Variants in RNF145 observed in about 807,000 individuals in gnomAD.
RNF145 encodes ring finger protein 145.
A neutral mutation model predicts 57.3 loss-of-function variants in RNF145; 12 were observed. That is an observed-to-expected ratio of 0.21 (90% confidence interval 0.13 to 0.34). The LOEUF is 0.34. Ranked by LOEUF, RNF145 falls within the 10% of genes least tolerant of loss-of-function variation. The probability of loss-of-function intolerance (pLI) is 1.00; values close to 1 mark genes in which losing one functional copy is unlikely to be tolerated. For missense variants in RNF145, 429 were observed against 799.0 expected, an observed-to-expected ratio of 0.54 and a Z score of 5.58; for synonymous variants, 262 against 288.3, an observed-to-expected ratio of 0.91 and a Z score of 0.92.
rs1262558266 is a variant in RNF145 at position 159,158,876 on chromosome 5, G to A, written c.1786C>T (p.His596Tyr). 8 of 1,613,944 alleles carry A rather than the reference G, an allele frequency of 5.0e-6. No homozygotes were observed. Among genetic ancestry groups the A allele is most frequent in the African/African-American group, 2.7e-5 (2 of 75,026 alleles). ...ATGACGTTTTGCTCAGCTCCAGCATGAGGCTGTAGAACTGGCTCAGTTCCT... is the reference window on the plus strand; with the variant it reads ...ATGACGTTTTGCTCAGCTCCAGCATAAGGCTGTAGAACTGGCTCAGTTCCT... Reference protein sequence around the residue: ...GLGTEPVLQPHAGAEQNVMFQ... With the variant: ...GLGTEPVLQPYAGAEQNVMFQ... The change falls in exon 11 of 11, where the codon CAT (histidine) becomes TAT (tyrosine). Residue 596 changes from histidine to tyrosine, a missense_variant. Physicochemically the swap from His to Tyr is moderately conservative, Grantham distance 83. Transcript: ENST00000424310.
At chr5:159,193,527 T>G (rs1315904846) in intron 3 of RNF145, among the ~76,000 whole-genome samples, 1 of 152,242 alleles carries the variant, frequency 6.6e-6, no homozygotes, top group Non-Finnish European at 1.5e-5. Context: ...GTGATTTTAG[T>G]TATTCTCATC....
intron 6 of RNF145, among the ~76,000 whole-genome samples, chr5:159,171,930 A>C (rs1784573252): frequency 6.6e-6 from 1 of 152,236 alleles, no homozygotes; most frequent in Non-Finnish European, 1.5e-5. Context: ...ATAGAAAAAG[A>C]AAAGAAAAAA....
At chr5:159,159,176 A>G (rs1352524602) in intron 10 of RNF145, 141 bp from the exon 11 acceptor site, 9 of 710,524 alleles carry the variant, frequency 1.3e-5, no homozygotes, top group African/African-American at 7.2e-5. Context: ...CTTACTTTAT[A>G]TATCAGTAAT....
intron 3 of RNF145, among the ~76,000 whole-genome samples, chr5:159,189,263 A>G (rs900628370): frequency 6.6e-6 from 1 of 152,256 alleles, no homozygotes; most frequent in Non-Finnish European, 1.5e-5. Context: ...CTTAGCAAGA[A>G]AAAGACAAAT....
intron 8 of RNF145, among the ~76,000 whole-genome samples, chr5:159,167,804 T>A (rs2113104160): frequency 6.6e-6 from 1 of 152,356 alleles, no homozygotes; most frequent in Admixed American, 6.5e-5. Context: ...TCAGCCATCC[T>A]ACCACTTGAG....
chr5:159,200,707 A>G (rs1785632673), intron 2 of RNF145, among the ~76,000 whole-genome samples: 1 of 152,230 alleles, frequency 6.6e-6, no homozygotes, highest in Admixed American at 6.5e-5. Context: ...TGAAACTGGA[A>G]AAACTATTTT....
At chr5:159,169,235 T>C (rs563227762) in intron 7 of RNF145, among the ~76,000 whole-genome samples, 180 bp from the exon 8 acceptor site, 112 of 152,326 alleles carry the variant, frequency 7.4e-4, no homozygotes, top group African/African-American at 2.5e-3. Flanking sequence ...TAGTCATATA[T>C]ATCACTACAT....
chr5:159,183,606 A>G (rs142482363), intron 3 of RNF145, among the ~76,000 whole-genome samples: 314 of 152,356 alleles, frequency 2.1e-3, no homozygotes, highest in Middle Eastern at 6.8e-3. Flanking sequence ...CAAAATGCAT[A>G]TATAAATAGT....
intron 2 of RNF145, among the ~76,000 whole-genome samples, chr5:159,203,131 G>A (rs542773959): frequency 1.3e-5 from 2 of 152,004 alleles, no homozygotes; most frequent in South Asian, 4.2e-4. Context: ...AATTAGAAGG[G>A]GCCAAATGTC....
intron 3 of RNF145, among the ~76,000 whole-genome samples, chr5:159,185,785 T>C (rs1785034949): frequency 6.6e-6 from 1 of 152,230 alleles, no homozygotes; most frequent in Admixed American, 6.5e-5. Flanking sequence ...GAATAAAATA[T>C]TTTCCTTCTT....
chr5:159,204,562 T>A (rs1401462268), intron 1 of RNF145, among the ~76,000 whole-genome samples: 1 of 151,886 alleles, frequency 6.6e-6, no homozygotes, highest in Non-Finnish European at 1.5e-5. Flanking sequence ...TCCCAGCACT[T>A]TGGGAAGCCG....
At chr5:159,210,040 C>CTGGA, upstream of RNF145, 1 of 683,842 alleles carries the variant, frequency 1.5e-6, no homozygotes, top group Non-Finnish European at 2.6e-6. Flanking sequence ...GAGTAAGTGA[C>CTGGA]TGGATGAATG....
intron 8 of RNF145, among the ~76,000 whole-genome samples, chr5:159,165,043 C>G (rs1784347421): frequency 6.6e-6 from 1 of 152,224 alleles, no homozygotes; most frequent in South Asian, 2.1e-4. Context: ...TCCCAGTACA[C>G]TGAATTGAAT....
chr5:159,201,179 C>T (rs2901183), intron 2 of RNF145, among the ~76,000 whole-genome samples: 8,297 of 152,208 alleles, frequency 0.055, 246 homozygotes, highest in Middle Eastern at 0.092. Context: ...GCAAAACCCA[C>T]GTATACAGAG....
chr5:159,189,990 ATG>A (rs1785232482), intron 3 of RNF145, among the ~76,000 whole-genome samples: 1 of 152,210 alleles, frequency 6.6e-6, no homozygotes, highest in Non-Finnish European at 1.5e-5. Context: ...ATAAATTTTG[ATG>A]ATGTTCTGCA....
rs570113709 is a variant in RNF145, at chr5:159,185,499, G to A, written c.294-3448C>T. 3.9e-5 allele frequency among the ~76,000 whole-genome samples: 6 copies of A among 152,272 alleles called. 1 individual carries two copies. In the Middle Eastern group the frequency reaches 0.017, roughly 432 times the overall value. ...TTCTTGGTAAATCAGTCCTAACAGG[G>A]ATGGTCATTCACAACATAAGAAAAA... On this transcript the variant is annotated intron_variant, in intron 3 of 10. Coordinates refer to ENST00000424310, the MANE Select transcript of RNF145 (RefSeq NM_001199383.2).
chr5:159,161,530 C>A lies in RNF145; in HGVS notation c.1362G>T (p.Val454=). The A allele has an allele frequency of 6.2e-7, 1 of 1,613,862 alleles. No homozygotes were observed. Among genetic ancestry groups the A allele is most frequent in the Non-Finnish European group, 8.5e-7 (1 of 1,179,900 alleles). ...VENMDDVIYY[V]NGTYRLLEFL... The stretch of plus-strand genomic sequence containing the variant: ...ACTCCAGCAGGCGGTAAGTGCCATT[C>A]ACATAGTAGATGACATCATCCATGT... Residue 454 remains valine (V), a synonymous_variant, in exon 10 of 11, where the codon GTG becomes GTT. Coordinates refer to ENST00000424310, the MANE Select transcript of RNF145 (RefSeq NM_001199383.2).
chr5:159,207,810 G>C (rs1785950658), intron 1 of RNF145: 4 of 1,613,910 alleles, frequency 2.5e-6, no homozygotes, highest in Non-Finnish European at 3.4e-6. Context: ...CTCCCAAACC[G>C]CAAAGACAGG....
At position 159,203,039 on chromosome 5, in the gene RNF145, G is replaced by A. The variant is rs557290380; in HGVS notation, c.184+395C>T. Among the ~76,000 whole-genome samples the A allele has an allele frequency of 6.6e-5, 10 of 151,690 alleles. No individual in the cohort carries two copies. The East Asian group carries it at 9.6e-4, about 15-fold the overall frequency. ...ATCTTCAGCTGATGTTAATGTTTTC[G>A]TTTATCTCAGGGAACAATAAAGAAT... is the stretch of plus-strand genomic sequence containing the variant. On this transcript the variant is annotated intron_variant, in intron 2 of 10. Transcript: ENST00000424310.
Sources: gnomAD v4.1 joint callset for allele counts (sites outside exome capture counted in the v4.1 genomes callset) on GRCh38, gnomAD v4.1.1 for gene constraint, MANE v1.5 for transcripts, NCBI Gene and HGNC (gene_info 2026-07-23, HGNC 2026-07-21) for gene names.